NCOA1: variants seen among roughly 807,000 people sequenced by gnomAD.
NCOA1 encodes the protein nuclear receptor coactivator 1, also known as Hin-2 protein.
A neutral mutation model predicts 150.9 loss-of-function variants in NCOA1; 35 were observed. The observed-to-expected ratio is 0.23, with a 90% CI of 0.18 to 0.31. NCOA1 has a LOEUF of 0.31. Ranked by LOEUF, NCOA1 falls within the 10% of genes least tolerant of loss-of-function variation. NCOA1 has a pLI of 1.00. For missense variants in NCOA1, 1,491 were observed against 1,749.3 expected, an observed-to-expected ratio of 0.85 and a Z score of 2.63; for synonymous variants, 590 against 630.0, an observed-to-expected ratio of 0.94 and a Z score of 0.95.
chr2:24,493,602 A>G (rs1039706816), intron 1 of NCOA1, among the ~76,000 whole-genome samples: 6 of 114,712 alleles, frequency 5.2e-5, no homozygotes, highest in African/African-American at 1.4e-4. Flanking sequence ...GTTTTATTGG[A>G]AAAAAAAAAA....
intron 21 of NCOA1, among the ~76,000 whole-genome samples, 178 bp from the exon 22 acceptor site, chr2:24,762,508 TC>T (rs1204831707): frequency 6.6e-6 from 1 of 152,204 alleles, no homozygotes; most frequent in Non-Finnish European, 1.5e-5. Context: ...CCTTACACAC[TC>T]ACTACCCCAC....
intron 3 of NCOA1, among the ~76,000 whole-genome samples, chr2:24,642,037 T>TGTGTGTGTGTGTGTGTGTGTGC (rs942145000): frequency 3.6e-5 from 5 of 138,558 alleles, no homozygotes; most frequent in African/African-American, 1.0e-4. Flanking sequence ...TGTGTGTGTG[T>TGTGTGTGTGTGTGTGTGTGTGC]GCGCGCGTGC....
chr2:24,655,448 G>C (rs1311356798), intron 4 of NCOA1, among the ~76,000 whole-genome samples: 1 of 152,108 alleles, frequency 6.6e-6, no homozygotes, highest in African/African-American at 2.4e-5. Flanking sequence ...ATGAACACTT[G>C]ATTGGACTGT....
intron 2 of NCOA1, among the ~76,000 whole-genome samples, chr2:24,573,280 A>G (rs560410808): frequency 1.1e-4 from 16 of 152,284 alleles, no homozygotes; most frequent in African/African-American, 1.7e-4. Context: ...TAGATACTTT[A>G]TACATATTTT....
At chr2:24,727,051 T>C (rs949080861) in intron 15 of NCOA1, among the ~76,000 whole-genome samples, 5 of 150,374 alleles carry the variant, frequency 3.3e-5, no homozygotes, top group Non-Finnish European at 7.4e-5. Context: ...GGCAGGAGAA[T>C]TGCTTGAACC....
At chr2:24,727,001 G>C (rs560161211) in intron 15 of NCOA1, among the ~76,000 whole-genome samples, 21 of 151,908 alleles carry the variant, frequency 1.4e-4, no homozygotes, top group African/African-American at 4.8e-4. Flanking sequence ...TGCCAGGCGT[G>C]GTGGTGCGCA....
chr2:24,576,299 CTCTGTATGTAGTTTCTT>C (rs1192407776), intron 2 of NCOA1, among the ~76,000 whole-genome samples: 2 of 151,446 alleles, frequency 1.3e-5, no homozygotes. Context: ...AAGGCACTGT[CTCTGTATGTAGTTTCTT>C]TCTGTTAGGC....
intron 3 of NCOA1, among the ~76,000 whole-genome samples, chr2:24,638,180 CTTTTTTTTTTTT>C (rs544369191): frequency 0.055 from 4,884 of 89,572 alleles, 165 homozygotes; most frequent in African/African-American, 0.092. Context: ...ATGAGATCAA[CTTTTTTTTTTTT>C]TTTTTTTTTT....
At chr2:24,603,681 G>C (rs1668228854) in intron 3 of NCOA1, among the ~76,000 whole-genome samples, 1 of 152,186 alleles carries the variant, frequency 6.6e-6, no homozygotes, top group South Asian at 2.1e-4. Context: ...CACTTTTCAG[G>C]CTCCATTTCG....
At chr2:24,611,836 G>A (rs1415179390) in intron 3 of NCOA1, among the ~76,000 whole-genome samples, 2 of 152,042 alleles carry the variant, frequency 1.3e-5, no homozygotes, top group Non-Finnish European at 2.9e-5. Context: ...GTCTCTTGAA[G>A]GCAACAGATA....
intron 3 of NCOA1, among the ~76,000 whole-genome samples, chr2:24,616,657 T>G (rs1466560795): frequency 6.6e-6 from 1 of 152,162 alleles, no homozygotes; most frequent in Non-Finnish European, 1.5e-5. Flanking sequence ...AAGAGTACAC[T>G]TTTGATCTCC....
chr2:24,711,272 A>G lies in NCOA1; in HGVS notation c.2599+161A>G, dbSNP rs1305786256. ...AACAGTTATATTTAGGCATGTGAAC[A>G]TCATTCATCATGTGTATTTTAAATT... On this transcript the variant is annotated intron_variant, in intron 14 of 22. Transcript: ENST00000348332. The G allele has an allele frequency of 6.4e-6, 4 of 629,124 alleles. No homozygotes were observed. In the Admixed American group the frequency reaches 1.1e-4, roughly 17 times the overall value. The allele number at this position is 629,124 out of a possible 1,614,324, so 39.0% of individuals were successfully genotyped here. A position where few individuals can be genotyped will look rare whatever the true frequency, so the allele number is the denominator to read the frequency against.
chr2:24,729,785 A>G lies in NCOA1; in HGVS notation c.3171A>G (p.Gln1057=), dbSNP rs1662896437. The change falls in exon 17 of 23, where the codon CAA becomes CAG. Residue 1057 remains glutamine, a synonymous_variant. Transcript: ENST00000348332. ...CTGCACCTAACCAGCTTCGACTTCA[A>G]CTACAGCAGCGATTACAGGGACAAC... ...PPAAPNQLRL[Q]LQQRLQGQQQ... 4 of 1,613,470 alleles carry G rather than the reference A, an allele frequency of 2.5e-6. No homozygotes were observed. The highest frequency in any genetic ancestry group is 2.5e-6 in the Non-Finnish European group (3 of 1,179,674).
At chr2:24,694,111 A>G (rs1672791369) in intron 10 of NCOA1, among the ~76,000 whole-genome samples, 1 of 152,194 alleles carries the variant, frequency 6.6e-6, no homozygotes. Context: ...GAAGTACTAG[A>G]AGGAGGGCAG....
chr2:24,720,414 C>T (rs1674297519), intron 14 of NCOA1, among the ~76,000 whole-genome samples: 1 of 152,230 alleles, frequency 6.6e-6, no homozygotes, highest in Admixed American at 6.5e-5. Context: ...CTGTCATAGT[C>T]TGTATTGAGG....
chr2:24,739,404 A>G lies in NCOA1; in HGVS notation c.3202-28A>G, dbSNP rs756199767. The G allele has an allele frequency of 2.7e-5, 40 of 1,494,214 alleles. 1 individual carries two copies. In the South Asian group the frequency reaches 2.8e-4, roughly 11 times the overall value. 92.6% of individuals were successfully genotyped at this position (1,494,214 alleles called of 1,614,324 possible). A position where few individuals can be genotyped will look rare whatever the true frequency, so the allele number is the denominator to read the frequency against. On this transcript the variant is annotated intron_variant, in intron 17 of 22. Transcript: ENST00000348332. The stretch of plus-strand genomic sequence containing the variant: ...CCGTGTTATGCTTGTGTGTAGAAAT[A>G]TATCTTATTGTTTCCATTTTTCTCT...
At chr2:24,676,125 G>A (rs922279762) in intron 7 of NCOA1, among the ~76,000 whole-genome samples, 1 of 152,086 alleles carries the variant, frequency 6.6e-6, no homozygotes, top group Admixed American at 6.5e-5. Context: ...CTCAAGTTTT[G>A]GAACAGCAAT....
At chr2:24,735,548 A>G (rs143200176) in intron 17 of NCOA1, among the ~76,000 whole-genome samples, 202 of 152,186 alleles carry the variant, frequency 1.3e-3, no homozygotes, top group Non-Finnish European at 2.3e-3. Context: ...ATAAATAGAT[A>G]TCATTTATTG....
intron 3 of NCOA1, among the ~76,000 whole-genome samples, chr2:24,620,566 G>A (rs988845117): frequency 3.9e-5 from 6 of 152,084 alleles, no homozygotes; most frequent in Admixed American, 2.0e-4. Context: ...CTGAGATCAC[G>A]CCATTGTACT....
Sources: gnomAD v4.1 joint callset for allele counts (sites outside exome capture counted in the v4.1 genomes callset) on GRCh38, gnomAD v4.1.1 for gene constraint, MANE v1.5 for transcripts, NCBI Gene and HGNC (gene_info 2026-07-23, HGNC 2026-07-21) for gene names.